The following SNRPN variants were observed in gnomAD, a reference collection of about 807,000 sequenced individuals.
SNRPN encodes small nuclear ribonucleoprotein polypeptide N.
A neutral mutation model predicts 25.2 loss-of-function variants in SNRPN; 7 were observed. That is an observed-to-expected ratio of 0.28 (90% confidence interval 0.16 to 0.52). The LOEUF (loss-of-function observed/expected upper bound fraction) is 0.52. SNRPN is among the 20% of genes least tolerant of loss of function. The pLI is 0.96. For synonymous variants in SNRPN, 124 were observed against 110.6 expected (o/e 1.12, Z -0.76); for missense variants, 196 against 322.5 (o/e 0.61, Z 3.00).
chr15:24,843,052 A>G (rs2051837053), intron 2 of SNRPN, among the ~76,000 whole-genome samples: 1 of 151,996 alleles, frequency 6.6e-6, no homozygotes, highest in African/African-American at 2.4e-5. Context: ...ATATTCAATG[A>G]ATGTACCACA....
chr15:24,954,891 G>A, upstream of SNRPN: 3 of 1,078,536 alleles, frequency 2.8e-6, no homozygotes, highest in South Asian at 4.3e-5. Flanking sequence ...CTGCACTGCG[G>A]CAAACAAGCA....
chr15:24,828,420 G>A (rs977513257), intron 1 of SNRPN, among the ~76,000 whole-genome samples: 1 of 152,054 alleles, frequency 6.6e-6, no homozygotes, highest in Non-Finnish European at 1.5e-5. Flanking sequence ...TGCCACCAGG[G>A]TAACAGCTAT....
chr15:24,930,361 T>C (rs1349327488), intron 3 of SNRPN, among the ~76,000 whole-genome samples: 23 of 151,732 alleles, frequency 1.5e-4, no homozygotes, highest in Admixed American at 1.5e-3. Context: ...AAAAATATTT[T>C]ATGCATAGAT....
chr15:24,883,502 C>T (rs1395096356), intron 1 of SNRPN, among the ~76,000 whole-genome samples: 2 of 152,140 alleles, frequency 1.3e-5, no homozygotes, highest in African/African-American at 4.8e-5. Flanking sequence ...GACCACTGCA[C>T]TCCAACCTCT....
At position 24,929,833 on chromosome 15, in the gene SNRPN, T is replaced by C. The variant is rs2060680658; in HGVS notation, c.-391+9709T>C. 6.6e-6 allele frequency among the ~76,000 whole-genome samples: 1 copy of C among 152,154 alleles called. No homozygotes were observed. The highest frequency in any genetic ancestry group is 2.1e-4 in the South Asian group (1 of 4,820). The stretch of plus-strand genomic sequence containing the variant: ...ATTTTTATTTTTCAAATAAAATCAA[T>C]TGAGACAGTAACAAATTTGCTCAAA... On this transcript the variant is annotated intron_variant, in intron 3 of 11. Transcript: ENST00000400097. This position sits in a 1 kb window ranked among gnomAD's most constrained non-coding sequence, Gnocchi z 5.3.
At chr15:24,909,200 A>T in intron 2 of SNRPN, 2 of 1,494,934 alleles carry the variant, frequency 1.3e-6, no homozygotes, top group Non-Finnish European at 1.9e-6. Flanking sequence ...TAAGTAGCAC[A>T]TGTAATCGGC....
intron 2 of SNRPN, among the ~76,000 whole-genome samples, chr15:24,914,567 T>A (rs2059407743): frequency 6.6e-6 from 1 of 151,478 alleles, no homozygotes; most frequent in Non-Finnish European, 1.5e-5. Flanking sequence ...TAAAAATAAA[T>A]AAAAAAAATT....
intron 5 of SNRPN, 130 bp downstream of exon 5, chr15:24,975,639 T>A: frequency 1.4e-6 from 1 of 732,414 alleles, no homozygotes. Flanking sequence ...GTCTATTGTT[T>A]AACCTCTTGA....
At chr15:24,925,745 A>AT (rs35612975) in intron 3 of SNRPN, among the ~76,000 whole-genome samples, 37 of 145,404 alleles carry the variant, frequency 2.5e-4, no homozygotes, top group Admixed American at 4.1e-4. Flanking sequence ...TGCCCAGCTA[A>AT]TTTTTTTTTT....
At chr15:24,944,282 G>A (rs1364561887) in intron 3 of SNRPN, among the ~76,000 whole-genome samples, 4 of 152,176 alleles carry the variant, frequency 2.6e-5, no homozygotes, top group Admixed American at 6.5e-5. Context: ...GAATCCCTGA[G>A]CTAATTTTCC....
At chr15:24,962,999 C>A (rs1191064941) in intron 2 of SNRPN, among the ~76,000 whole-genome samples, 1 of 108,790 alleles carries the variant, frequency 9.2e-6, no homozygotes, top group Non-Finnish European at 1.8e-5. Context: ...AAAGCAACTA[C>A]CAACTTAACT....
At chr15:24,940,063 T>A (rs2061461131) in intron 3 of SNRPN, among the ~76,000 whole-genome samples, 1 of 152,202 alleles carries the variant, frequency 6.6e-6, no homozygotes, top group Non-Finnish European at 1.5e-5. Context: ...ATGCTAGGCT[T>A]ACAGGCATGA....
intron 3 of SNRPN, among the ~76,000 whole-genome samples, chr15:24,947,412 C>A (rs888071567): frequency 6.6e-6 from 1 of 152,152 alleles, no homozygotes; most frequent in Non-Finnish European, 1.5e-5. Flanking sequence ...AAGTGGATCA[C>A]GAGGTCAGGA....
At chr15:24,965,410 A>G (rs1042894453) in intron 2 of SNRPN, among the ~76,000 whole-genome samples, 5 of 152,200 alleles carry the variant, frequency 3.3e-5, no homozygotes, top group African/African-American at 1.2e-4. Flanking sequence ...GGTAGTGTGC[A>G]CCTGTAATCC....
At position 24,974,365 on chromosome 15, in the gene SNRPN, T is replaced by C. The variant is rs705; in HGVS notation, c.-89T>C. 0.45 allele frequency: 546,713 copies of C among 1,221,690 alleles called. 128,195 individuals are homozygous for C. The highest frequency in any genetic ancestry group is 0.75 in the African/African-American group (50,565 of 67,162). The allele number at this position is 1,221,690 out of a possible 1,614,324, so 75.7% of individuals were successfully genotyped here. On this transcript the variant is annotated 5_prime_UTR_variant, in exon 4 of 10. Transcript: ENST00000390687. ...AGCTTGCATTGTTTCTAGGAGAACC[T>C]GCGTCATACCTTTATCTATAGCCTT... is the stretch of plus-strand genomic sequence containing the variant.
At chr15:24,958,482 CAA>C (rs1311149228) in intron 1 of SNRPN, among the ~76,000 whole-genome samples, 1 of 99,138 alleles carries the variant, frequency 1.0e-5, no homozygotes, top group Admixed American at 1.3e-4. Flanking sequence ...CTAGCTGGCT[CAA>C]AGTTTTTTTT....
Position 24,977,796 on chromosome 15 carries a change from A to C in SNRPN, c.439A>C (p.Arg147=). ...TTCTCAGGTAATGACTCCACAGGGA[A>C]GAGGCACTGTAGCAGCTGCTGCTGT... ...PSQQVMTPQG[R]GTVAAAAVAA... The change falls in exon 8 of 10, where the codon AGA becomes CGA. Residue 147 remains arginine (R), a synonymous_variant. Coordinates refer to ENST00000390687, the MANE Select transcript of SNRPN (RefSeq NM_003097.6). 6.2e-7 allele frequency: 1 copy of C among 1,612,534 alleles called. No individual in the cohort carries two copies. Among genetic ancestry groups the C allele is most frequent in the Non-Finnish European group, 8.5e-7 (1 of 1,179,200 alleles).
intron 2 of SNRPN, among the ~76,000 whole-genome samples, chr15:24,890,559 G>C (rs973852258): frequency 6.6e-6 from 1 of 152,008 alleles, no homozygotes. Context: ...CAAGCCTGTA[G>C]TCCCAGCTAC....
chr15:24,834,991 A>ATATATATAG (rs1491249603), intron 2 of SNRPN, among the ~76,000 whole-genome samples: 4 of 69,288 alleles, frequency 5.8e-5, no homozygotes, highest in African/African-American at 2.0e-4. Flanking sequence ...TATAAAATAG[A>ATATATATAG]TATATATAGT....
Sources: allele counts gnomAD v4.1 joint callset (sites outside exome capture counted in the v4.1 genomes callset), GRCh38; gene constraint gnomAD v4.1.1; non-coding constraint Gnocchi (gnomAD v3.1); transcripts MANE v1.5; gene names NCBI Gene and HGNC (gene_info 2026-07-23, HGNC 2026-07-21).